MRM2: variants seen among roughly 807,000 people sequenced by gnomAD.
MRM2 encodes the protein rRNA methyltransferase 2, mitochondrial.
In MRM2, 15 loss-of-function variants were observed where a neutral mutation model predicts 10.9. That is an observed-to-expected ratio of 1.37 (90% CI 0.92 to 2.11). MRM2 has a LOEUF of 2.11. Ranked by LOEUF, MRM2 falls within the 30% of genes most tolerant of loss-of-function variation. The pLI, the probability that MRM2 is intolerant of heterozygous loss-of-function variation, is 0.00. For missense variants in MRM2, 328 were observed against 321.3 expected (o/e 1.02, Z -0.16); for synonymous variants, 139 against 128.7 (o/e 1.08, Z -0.54).
At position 2,235,442 on chromosome 7, in the gene MRM2, C is replaced by T. The variant is rs145499012; in HGVS notation, c.421G>A (p.Glu141Lys). The T allele has an allele frequency of 2.4e-5, 38 of 1,613,904 alleles. No homozygotes were observed. Among genetic ancestry groups the T allele is most frequent in the Admixed American group, 2.0e-4 (12 of 59,976 alleles). The change falls in exon 3 of 3, where the codon GAG (glutamate) becomes AAG (lysine). Residue 141 changes from glutamate (E) to lysine (K), a missense_variant. Glu to Lys is a moderately conservative substitution (Grantham distance 56). Transcript: ENST00000242257. ...TCTGCTCTCCTGCCAGGAAGCACCT[C>T]GAGGATTCTCTGTGAGGTTCTCGGG... ...TDPRTSQRIL[E>K]VLPGRRADVI...
Position 2,239,805 on chromosome 7 carries a change from T to C in MRM2, c.9-98A>G. Reference sequence around the variant, plus strand: ...GGATCAACTCATTCATTTCTAGAGATGGGGCACCAAGGCCCAGGAGGGGAG... The same window carrying C: ...GGATCAACTCATTCATTTCTAGAGACGGGGCACCAAGGCCCAGGAGGGGAG... On this transcript the variant is annotated intron_variant, in intron 1 of 2. Transcript: ENST00000242257. 7.9e-6 allele frequency: 9 copies of C among 1,135,632 alleles called. No individual in the cohort carries two copies. In the South Asian group the frequency reaches 1.3e-4, roughly 16 times the overall value. The allele number at this position is 1,135,632 out of a possible 1,614,324, so 70.3% of individuals were successfully genotyped here.
chr7:2,235,220 C>G lies in MRM2; in HGVS notation c.643G>C (p.Val215Leu), dbSNP rs1194699397. ...CTGGCTTCAGGTTTGATGATCCTTA[C>G]ATTCTGGAATTCCTCTGTCAGTCTC... is the stretch of plus-strand genomic sequence containing the variant. ...QRRLTEEFQN[V>L]RIIKPEASRK... The change falls in exon 3 of 3, where the codon GTA (valine) becomes CTA (leucine). Residue 215 changes from valine to leucine, a missense_variant. Coordinates refer to ENST00000242257, the MANE Select transcript of MRM2 (RefSeq NM_013393.3). 3.1e-6 allele frequency: 5 copies of G among 1,614,112 alleles called. No homozygotes were observed. Among genetic ancestry groups the G allele is most frequent in the Non-Finnish European group, 2.5e-6 (3 of 1,179,960 alleles).
chr7:2,242,195 C>T lies in MRM2; in HGVS notation c.-26G>A, dbSNP rs756084950. On this transcript the variant is annotated 5_prime_UTR_variant, in exon 1 of 3. Coordinates refer to ENST00000242257, the MANE Select transcript of MRM2 (RefSeq NM_013393.3). ...TGGTGTTCCCCGCGCCTGCAGCGCGCCGCCGGAAGTGCCTGGCCTCACTTC... is the reference window on the plus strand; with the variant it reads ...TGGTGTTCCCCGCGCCTGCAGCGCGTCGCCGGAAGTGCCTGGCCTCACTTC... 10 of 1,572,838 alleles carry T rather than the reference C, an allele frequency of 6.4e-6. No individual in the cohort carries two copies. The South Asian group carries it at 1.1e-4, about 18-fold the overall frequency.
At chr7:2,236,929 G>T (rs966630459) in intron 2 of MRM2, among the ~76,000 whole-genome samples, 1 of 152,144 alleles carries the variant, frequency 6.6e-6, no homozygotes, top group African/African-American at 2.4e-5. Context: ...TCAGTTATAG[G>T]CAACAAGTCT....
At chr7:2,242,137 C>A (rs1448691630) in intron 1 of MRM2, 25 bp downstream of exon 1, 1 of 1,582,976 alleles carries the variant, frequency 6.3e-7, no homozygotes, top group African/African-American at 1.4e-5. Context: ...GCTGTCTGCA[C>A]GCGCAGCAGC....
rs139003052 is a variant in MRM2, at chr7:2,240,522, T to C, written c.9-815A>G. ...CTCAAACAATCCTCTCACCTACATG[T>C]CTTAAATAAAATTGAACTAAACCTG... On this transcript the variant is annotated intron_variant, in intron 1 of 2. Coordinates refer to ENST00000242257, the MANE Select transcript of MRM2 (RefSeq NM_013393.3). Among the ~76,000 whole-genome samples, 10 of 150,864 alleles carry C rather than the reference T, an allele frequency of 6.6e-5. No individual in the cohort carries two copies. The East Asian group carries it at 2.0e-3, about 30-fold the overall frequency.
At chr7:2,238,229 G>A (rs1584625443) in intron 2 of MRM2, 1 of 152,370 alleles carries the variant, frequency 6.6e-6, no homozygotes, top group East Asian at 1.9e-4. Context: ...TGGCTTTACA[G>A]CAGGAAACAT....
At chr7:2,239,019 AT>A (rs1562401739) in intron 2 of MRM2, 2,572 of 21,114 alleles carry the variant, frequency 0.12, 181 homozygotes, top group Middle Eastern at 0.16. Context: ...ATATATATAT[AT>A]ATATATATAA....
rs1794401670 is a variant in MRM2, at chr7:2,235,391, T to C, written c.472A>G (p.Asn158Asp). 2 of 1,614,062 alleles carry C rather than the reference T, an allele frequency of 1.2e-6. No individual in the cohort carries two copies. Among genetic ancestry groups the C allele is most frequent in the Non-Finnish European group, 1.7e-6 (2 of 1,180,026 alleles). Residue 158 changes from asparagine to aspartate, a missense_variant, in exon 3 of 3, where the codon AAT becomes GAT. By Grantham distance (23) the Asn-to-Asp change is conservative (BLOSUM62 1). Transcript: ENST00000242257. ...TCGAGGTCCCGGAACCCTGTGGCAT[T>C]GGGCGCCATGTCGCTCAGAATCACA... ...ADVILSDMAP[N>D]ATGFRDLDHD...
intron 1 of MRM2, chr7:2,240,252 TTAAAG>T (rs1247231521): frequency 2.6e-5 from 12 of 455,422 alleles, no homozygotes; most frequent in Non-Finnish European, 4.4e-5. Context: ...AATTAATTAA[TTAAAG>T]TAATATTATT....
At chr7:2,240,401 T>C in intron 1 of MRM2, 2 of 331,098 alleles carry the variant, frequency 6.0e-6, no homozygotes, top group Non-Finnish European at 6.1e-6. Flanking sequence ...TCACATTTCT[T>C]TTTTTCTTCT....
intron 2 of MRM2, among the ~76,000 whole-genome samples, chr7:2,236,853 G>C (rs543341105): frequency 2.0e-5 from 3 of 152,214 alleles, no homozygotes; most frequent in East Asian, 3.9e-4. Context: ...TGGGGGCGTT[G>C]GGCTTGTGAA....
Position 2,234,391 on chromosome 7 carries a change from T to C in MRM2, c.*731A>G, listed in dbSNP as rs998930972. ...CCACTGCCTGGATAAATTCAGACCA[T>C]ACGTCTTCCCTAATTGTTCCGGGAA... On this transcript the variant is annotated 3_prime_UTR_variant, in exon 3 of 3. Coordinates refer to ENST00000242257, the MANE Select transcript of MRM2 (RefSeq NM_013393.3). 2 of 152,366 alleles carry C rather than the reference T, an allele frequency of 1.3e-5. No individual in the cohort carries two copies. The highest frequency in any genetic ancestry group is 4.8e-5 in the African/African-American group (2 of 41,576). 9.4% of individuals were successfully genotyped at this position (152,366 alleles called of 1,614,324 possible). A position where few individuals can be genotyped will look rare whatever the true frequency, so the allele number is the denominator to read the frequency against.
rs1794403203 is a variant in MRM2 at position 2,235,452 on chromosome 7, C to T, written c.411G>A (p.Gln137=). ...PADVTDPRTS[Q]RILEVLPGRR... ...TGCCAGGAAGCACCTCGAGGATTCT[C>T]TGTGAGGTTCTCGGGTCAGTCACGT... Residue 137 remains glutamine, a synonymous_variant, in exon 3 of 3, where the codon CAG becomes CAA. Transcript: ENST00000242257. The T allele has an allele frequency of 6.2e-7, 1 of 1,613,938 alleles. No individual in the cohort carries two copies. The highest frequency in any genetic ancestry group is 1.7e-5 in the Admixed American group (1 of 59,982).
chr7:2,237,975 G>A (rs2115041796), intron 2 of MRM2: 1 of 152,058 alleles, frequency 6.6e-6, no homozygotes, highest in South Asian at 2.1e-4. Context: ...GGCCACCCAA[G>A]GGGATGCAGG....
In MRM2 at chr7:2,239,661, T is replaced by A. The variant is rs1364831348; in HGVS notation, c.55A>T (p.Thr19Ser). The change falls in exon 2 of 3, where the codon ACT (threonine) becomes TCT (serine). Residue 19 changes from threonine (T) to serine (S), a missense_variant. By Grantham distance (58) the Thr-to-Ser change is moderately conservative. Transcript: ENST00000242257. Reference sequence around the variant, plus strand: ...CGATTCTTGCAGCGACTCCCAACAGTGTGGAACCCTTGACGCTGAAAGGAA... The same window carrying A: ...CGATTCTTGCAGCGACTCCCAACAGAGTGGAACCCTTGACGCTGAAAGGAA... ...CVSFQRQGFH[T>S]VGSRCKNRTG... 6.8e-6 allele frequency: 11 copies of A among 1,613,914 alleles called. No individual in the cohort carries two copies. The highest frequency in any genetic ancestry group is 9.3e-6 in the Non-Finnish European group (11 of 1,179,958).
In MRM2 at chr7:2,239,557, C is replaced by T. The variant is rs990592377; in HGVS notation, c.159G>A (p.Arg53=). Reference sequence around the variant, plus strand: ...CCAGGAGCTTGAAGGCGCTTCGACACCGGTAACTCTCCACCTTCGCAGCCT... The same window carrying T: ...CCAGGAGCTTGAAGGCGCTTCGACATCGGTAACTCTCCACCTTCGCAGCCT... ...FVKAAKVESY[R]CRSAFKLLEV... The change falls in exon 2 of 3, where the codon CGG becomes CGA. Residue 53 remains arginine, a synonymous_variant. Coordinates refer to ENST00000242257, the MANE Select transcript of MRM2 (RefSeq NM_013393.3). The T allele has an allele frequency of 1.2e-6, 2 of 1,613,934 alleles. No individual in the cohort carries two copies. Among genetic ancestry groups the T allele is most frequent in the Non-Finnish European group, 1.7e-6 (2 of 1,180,008 alleles).
intron 2 of MRM2, chr7:2,239,009 A>G (rs1422794571): frequency 1.4e-5 from 1 of 70,052 alleles, no homozygotes; most frequent in African/African-American, 6.5e-5. Flanking sequence ...ATATATATAT[A>G]TATATATATA....
rs758067183 is a variant in MRM2, at chr7:2,235,216, C to A, written c.647G>T (p.Arg216Met). Residue 216 changes from arginine to methionine, a missense_variant, in exon 3 of 3, where the codon AGG becomes ATG. By Grantham distance (91) the Arg-to-Met change is moderately conservative. Coordinates refer to ENST00000242257, the MANE Select transcript of MRM2 (RefSeq NM_013393.3). ...RRLTEEFQNV[R>M]IIKPEASRKE... ...CCTGCTGGCTTCAGGTTTGATGATCCTTACATTCTGGAATTCCTCTGTCAG... is the reference window on the plus strand; with the variant it reads ...CCTGCTGGCTTCAGGTTTGATGATCATTACATTCTGGAATTCCTCTGTCAG... 2.5e-6 allele frequency: 4 copies of A among 1,614,090 alleles called. No homozygotes were observed. In the Admixed American group the frequency reaches 5.0e-5, roughly 20 times the overall value.
Sources: allele counts gnomAD v4.1 joint callset (sites outside exome capture counted in the v4.1 genomes callset), GRCh38; gene constraint gnomAD v4.1.1; transcripts MANE v1.5; gene names NCBI Gene and HGNC (gene_info 2026-07-23, HGNC 2026-07-21).